Variants in TIE1 observed in about 807,000 individuals in gnomAD.
TIE1 encodes the protein tyrosine kinase with immunoglobulin like and EGF like domains 1.
Under a neutral mutation model 130.5 loss-of-function variants are expected in TIE1, and 89 were observed. The observed-to-expected ratio is 0.68, with a 90% CI of 0.57 to 0.81. TIE1 has a LOEUF of 0.81. Ranked by LOEUF, TIE1 falls within the 40% of genes least tolerant of loss-of-function variation. The probability of loss-of-function intolerance (pLI) is 0.00; values close to 1 mark genes in which losing one functional copy is unlikely to be tolerated. For missense variants in TIE1, 1,392 were observed against 1,559.8 expected (o/e 0.89, Z 1.81); for synonymous variants, 568 against 629.4 (o/e 0.90, Z 1.46).
intron 19 of TIE1, chr1:43,321,000 T>C: frequency 2.0e-6 from 1 of 507,132 alleles, no homozygotes; most frequent in Non-Finnish European, 3.4e-6. Flanking sequence ...GCCACTGCAC[T>C]CCAGCCTGGG....
rs1261501634 is a variant in TIE1 at position 43,315,874 on chromosome 1, A to G, written c.2410-1325A>G. 1.3e-5 allele frequency among the ~76,000 whole-genome samples: 2 copies of G among 151,788 alleles called. No individual in the cohort carries two copies. The highest frequency in any genetic ancestry group is 2.4e-5 in the African/African-American group (1 of 41,300). On this transcript the variant is annotated intron_variant, in intron 14 of 22. Coordinates refer to ENST00000372476, the MANE Select transcript of TIE1 (RefSeq NM_005424.5). The surrounding 1 kb of genome is among the most constrained non-coding windows in gnomAD (Gnocchi z 4.4). ...ATCCCCCTAGCCTGGGCAACATGGC[A>G]AAACCCCATCTCTACAATAAAAGAA...
Position 43,317,323 on chromosome 1 carries a change from TC to T in TIE1, c.2535del (p.Ile845MetfsTer13), listed in dbSNP as rs1557452553. 6.2e-7 allele frequency: 1 copy of T among 1,614,028 alleles called. No individual in the cohort carries two copies. Among genetic ancestry groups the T allele is most frequent in the Admixed American group, 1.7e-5 (1 of 60,002 alleles). On this transcript the variant is annotated frameshift_variant, in exon 15 of 23. Coordinates refer to ENST00000372476, the MANE Select transcript of TIE1 (RefSeq NM_005424.5). LOFTEE classifies it high-confidence loss of function. This position sits in a 1 kb window ranked among gnomAD's most constrained non-coding sequence, Gnocchi z 5.1. ...EWEDITFEDL[I>X]GEGNFGQVIR... ...GAGGACATCACCTTTGAGGACCTCATCGGGGAGGGGAACTTCGGCCAGGTCA... is the reference window on the plus strand; with the variant it reads ...GAGGACATCACCTTTGAGGACCTCATGGGGAGGGGAACTTCGGCCAGGTCA...
At chr1:43,310,752 G>A (rs1646781732) in intron 9 of TIE1, among the ~76,000 whole-genome samples, 1 of 152,120 alleles carries the variant, frequency 6.6e-6, no homozygotes, top group Non-Finnish European at 1.5e-5. Context: ...TCCCCTGCGT[G>A]AGCCAAAGGC....
rs193102602 is a variant in TIE1, at chr1:43,306,816, C to T, written c.485-24C>T. On this transcript the variant is annotated intron_variant, in intron 3 of 22. Transcript: ENST00000372476. This position sits in a 1 kb window ranked among gnomAD's most constrained non-coding sequence, Gnocchi z 4.9. ...CACAGCCCTCATGTAGTGCTGAGGCCCCTGACACATTCATGTCCCCCAGGA... is the reference window on the plus strand; with the variant it reads ...CACAGCCCTCATGTAGTGCTGAGGCTCCTGACACATTCATGTCCCCCAGGA... The T allele has an allele frequency of 5.7e-6, 9 of 1,591,294 alleles. No individual in the cohort carries two copies.
Position 43,322,573 on chromosome 1 carries a change from C to T in TIE1, c.3346-78C>T, listed in dbSNP as rs974899281. 5 of 1,076,664 alleles carry T rather than the reference C, an allele frequency of 4.6e-6. No individual in the cohort carries two copies. In the Admixed American group the frequency reaches 9.2e-5, roughly 20 times the overall value. The allele number at this position is 1,076,664 out of a possible 1,614,324, so 66.7% of individuals were successfully genotyped here. On this transcript the variant is annotated intron_variant, in intron 22 of 22. Coordinates refer to ENST00000372476, the MANE Select transcript of TIE1 (RefSeq NM_005424.5). The surrounding 1 kb of genome is among the most constrained non-coding windows in gnomAD (Gnocchi z 4.0). Reference sequence around the variant, plus strand: ...AAATCAGTGTCAGTTCAAATGCCCCCACCACATGGAAGTCCAGGAGCTTGA... The same window carrying T: ...AAATCAGTGTCAGTTCAAATGCCCCTACCACATGGAAGTCCAGGAGCTTGA...
chr1:43,306,014 A>T lies in TIE1; in HGVS notation c.484+671A>T, dbSNP rs908882918. ...GCCTCCTGAGCTCTGGACCCCGTGA[A>T]TTGACAGGAAATGTGAAGAGGCACA... is the stretch of plus-strand genomic sequence containing the variant. On this transcript the variant is annotated intron_variant, in intron 3 of 22. Transcript: ENST00000372476. The surrounding 1 kb of genome is among the most constrained non-coding windows in gnomAD (Gnocchi z 4.9). Among the ~76,000 whole-genome samples, 7 of 152,176 alleles carry T rather than the reference A, an allele frequency of 4.6e-5. No individual in the cohort carries two copies. Among genetic ancestry groups the T allele is most frequent in the African/African-American group, 1.7e-4 (7 of 41,432 alleles).
chr1:43,313,042 G>A lies in TIE1; in HGVS notation c.1928-93G>A. On this transcript the variant is annotated intron_variant, in intron 12 of 22. Transcript: ENST00000372476. This position sits in a 1 kb window ranked among gnomAD's most constrained non-coding sequence, Gnocchi z 6.2. ...GGTGGCCCCTGTGCTTGGACCCACA[G>A]AGGAGGGAGCACAGCTAGAGCAGAT... The A allele has an allele frequency of 6.9e-7, 1 of 1,439,128 alleles. No homozygotes were observed. 89.1% of individuals were successfully genotyped at this position (1,439,128 alleles called of 1,614,324 possible).
Position 43,305,133 on chromosome 1 carries a change from C to G in TIE1, c.341C>G (p.Thr114Arg), listed in dbSNP as rs752564924. The change falls in exon 2 of 23, where the codon ACG (threonine) becomes AGG (arginine). Residue 114 changes from threonine (T) to arginine (R), a missense_variant. Thr to Arg is a moderately conservative substitution (Grantham distance 71). Around this residue, in one of 6 missense-constraint regions of TIE1, gnomAD observed 415 missense variants for 424.8 expected, o/e 0.98. Coordinates refer to ENST00000372476, the MANE Select transcript of TIE1 (RefSeq NM_005424.5). The stretch of plus-strand genomic sequence containing the variant: ...GTGGGCGGTGCTGGGGCGCGGCGCA[C>G]GCGCGTCATCTACGTGCACAACAGC... ...SCVGGAGARR[T>R]RVIYVHNSPG... 5 of 1,613,688 alleles carry G rather than the reference C, an allele frequency of 3.1e-6. No homozygotes were observed. The highest frequency in any genetic ancestry group is 4.2e-6 in the Non-Finnish European group (5 of 1,179,850).
At chr1:43,303,908 G>C (rs1381300118) in intron 1 of TIE1, among the ~76,000 whole-genome samples, 1 of 152,126 alleles carries the variant, frequency 6.6e-6, no homozygotes, top group Non-Finnish European at 1.5e-5. Context: ...TCCCTTCTCT[G>C]TGCTCAAAAG....
chr1:43,305,136 G>GCGTCATCTA lies in TIE1; in HGVS notation c.348_356dup (p.Ile117_Val119dup), dbSNP rs1646714426. On this transcript the variant is annotated inframe_insertion, in exon 2 of 23. Coordinates refer to ENST00000372476, the MANE Select transcript of TIE1 (RefSeq NM_005424.5). The stretch of plus-strand genomic sequence containing the variant: ...GGCGGTGCTGGGGCGCGGCGCACGC[G>GCGTCATCTA]CGTCATCTACGTGCACAACAGCCCT... 2.5e-6 allele frequency: 4 copies of GCGTCATCTA among 1,613,854 alleles called. No individual in the cohort carries two copies. Among genetic ancestry groups the GCGTCATCTA allele is most frequent in the Non-Finnish European group, 3.4e-6 (4 of 1,179,868 alleles).
chr1:43,308,852 G>T, intron 7 of TIE1, 134 bp from the exon 8 acceptor site: 1 of 1,195,690 alleles, frequency 8.4e-7, no homozygotes, highest in South Asian at 1.3e-5. Context: ...GAGTCATGCG[G>T]GCCTTTGCTG....
Position 43,317,866 on chromosome 1 carries a change from T to G in TIE1, c.2732-16T>G. On this transcript the variant is annotated splice_polypyrimidine_tract_variant and intron_variant, in intron 16 of 22. Transcript: ENST00000372476. This position sits in a 1 kb window ranked among gnomAD's most constrained non-coding sequence, Gnocchi z 5.1. ...CCTGTGTCTAAATCACCACTGTCTG[T>G]CTCTTTGCCTCTCAGGTTACTTGTA... 1 of 1,613,262 alleles carries G rather than the reference T, an allele frequency of 6.2e-7. No individual in the cohort carries two copies. Among genetic ancestry groups the G allele is most frequent in the Non-Finnish European group, 8.5e-7 (1 of 1,179,550 alleles).
chr1:43,309,158 C>T lies in TIE1; in HGVS notation c.1188+27C>T. ...TCAGCCCCCAATCACCCCAACCCAC[C>T]AGCCCCTCAGGCCGCCTGCTTCACA... On this transcript the variant is annotated intron_variant, in intron 8 of 22. Transcript: ENST00000372476. This position sits in a 1 kb window ranked among gnomAD's most constrained non-coding sequence, Gnocchi z 6.3. The T allele has an allele frequency of 6.4e-7, 1 of 1,566,342 alleles. No individual in the cohort carries two copies. Among genetic ancestry groups the T allele is most frequent in the Non-Finnish European group, 8.7e-7 (1 of 1,153,396 alleles).
Position 43,304,894 on chromosome 1 carries a change from G to C in TIE1, c.102G>C (p.Thr34=), listed in dbSNP as rs1346712437. The C allele has an allele frequency of 6.3e-6, 9 of 1,428,798 alleles. No individual in the cohort carries two copies. The highest frequency in any genetic ancestry group is 8.2e-6 in the Non-Finnish European group (9 of 1,097,034). 88.5% of individuals were successfully genotyped at this position (1,428,798 alleles called of 1,614,324 possible). ...DLTLLANLRL[T]DPQRFFLTCV... The stretch of plus-strand genomic sequence containing the variant: ...CGCTGCTGGCCAACCTGCGGCTCAC[G>C]GACCCCCAGCGCTTCTTCCTGACTT... Residue 34 remains threonine, a synonymous_variant, in exon 2 of 23, where the codon ACG becomes ACC. Coordinates refer to ENST00000372476, the MANE Select transcript of TIE1 (RefSeq NM_005424.5).
At chr1:43,314,229 C>A in intron 14 of TIE1, 1 of 686,980 alleles carries the variant, frequency 1.5e-6, no homozygotes, top group South Asian at 1.9e-5. Context: ...CCGTGATGAC[C>A]ATATTTCACA....
chr1:43,313,317 A>G lies in TIE1; in HGVS notation c.2110A>G (p.Ile704Val), dbSNP rs140896272. The change falls in exon 13 of 23, where the codon ATC (isoleucine) becomes GTC (valine). Residue 704 changes from isoleucine to valine, a missense_variant. By Grantham distance (29) the Ile-to-Val change is conservative. Around this residue, in one of 6 missense-constraint regions of TIE1, gnomAD observed 551 missense variants for 565.5 expected, o/e 0.97. Coordinates refer to ENST00000372476, the MANE Select transcript of TIE1 (RefSeq NM_005424.5). The surrounding 1 kb of genome is among the most constrained non-coding windows in gnomAD (Gnocchi z 6.2). ...DVDRPEETST[I>V]IRGLNASTRY... is the part of the protein sequence containing the mutation. Reference sequence around the variant, plus strand: ...GGACAGGCCTGAGGAGACAAGCACCATCATCCGTGGCCTCAACGCCAGCAC... The same window carrying G: ...GGACAGGCCTGAGGAGACAAGCACCGTCATCCGTGGCCTCAACGCCAGCAC... 1 of 1,614,012 alleles carries G rather than the reference A, an allele frequency of 6.2e-7. No individual in the cohort carries two copies. Among genetic ancestry groups the G allele is most frequent in the Non-Finnish European group, 8.5e-7 (1 of 1,179,960 alleles).
In TIE1 at chr1:43,305,034, C is replaced by G. The variant is rs1274002342; in HGVS notation, c.242C>G (p.Ala81Gly). Residue 81 changes from alanine (A) to glycine (G), a missense_variant, in exon 2 of 23, where the codon GCG becomes GGG. This residue lies in a region of TIE1 where 415 missense variants were observed against 424.8 expected (regional missense o/e 0.98). Coordinates refer to ENST00000372476, the MANE Select transcript of TIE1 (RefSeq NM_005424.5). ...RTPPGPPLRL[A>G]RNGSHQVTLR... ...CCGCCCGGGCCACCCCTGCGCCTGG[C>G]GCGCAACGGTTCGCACCAGGTCACG... 1.9e-6 allele frequency: 3 copies of G among 1,587,576 alleles called. No individual in the cohort carries two copies. Among genetic ancestry groups the G allele is most frequent in the Admixed American group, 1.7e-5 (1 of 57,730 alleles).
Position 43,305,038 on chromosome 1 carries a change from C to A in TIE1, c.246C>A (p.Arg82=). The A allele has an allele frequency of 6.3e-7, 1 of 1,593,766 alleles. No homozygotes were observed. Among genetic ancestry groups the A allele is most frequent in the Non-Finnish European group, 8.6e-7 (1 of 1,167,884 alleles). Residue 82 remains arginine (R), a synonymous_variant, in exon 2 of 23, where the codon CGC becomes CGA. Transcript: ENST00000372476. The part of the protein sequence containing the change: ...TPPGPPLRLA[R]NGSHQVTLRG... Reference sequence around the variant, plus strand: ...CCGGGCCACCCCTGCGCCTGGCGCGCAACGGTTCGCACCAGGTCACGCTTC... The same window carrying A: ...CCGGGCCACCCCTGCGCCTGGCGCGAAACGGTTCGCACCAGGTCACGCTTC...
Position 43,303,789 on chromosome 1 carries a change from C to G in TIE1, c.59-1062C>G, listed in dbSNP as rs1200056658. 2.6e-5 allele frequency among the ~76,000 whole-genome samples: 4 copies of G among 152,278 alleles called. No homozygotes were observed. In the East Asian group the frequency reaches 7.7e-4, roughly 29 times the overall value. ...TGTCTAGGATGCCCTCTCCCTGCCC[C>G]TGATTTCTCTCCCTCCCCATTGTCC... On this transcript the variant is annotated intron_variant, in intron 1 of 22. Transcript: ENST00000372476.
Sources: gnomAD v4.1 joint callset for allele counts (sites outside exome capture counted in the v4.1 genomes callset) on GRCh38, gnomAD v4.1.1 for gene constraint, gnomAD v4.1.1 regional missense constraint, Gnocchi (gnomAD v3.1) non-coding constraint, MANE v1.5 for transcripts, NCBI Gene and HGNC (gene_info 2026-07-23, HGNC 2026-07-21) for gene names.